The following RAB20 variants were observed in gnomAD, a reference collection of about 807,000 sequenced individuals.
The protein encoded by RAB20 is RAB20, member RAS oncogene family.
RAB20 carries 2 observed loss-of-function variants against 3.7 expected under a neutral mutation model. That is an observed-to-expected ratio of 0.54 (90% confidence interval 0.22 to 1.69). The LOEUF (loss-of-function observed/expected upper bound fraction) is 1.69, where lower values mean the gene tolerates loss of function less well. RAB20 is among the 40% of genes most tolerant of loss of function. RAB20 has a pLI of 0.19. For synonymous variants in RAB20, 126 were observed against 130.8 expected (o/e 0.96, Z 0.25); for missense variants, 276 against 311.9 (o/e 0.88, Z 0.87).
rs576201021 is a variant in RAB20 at position 110,555,525 on chromosome 13, C to T, written c.172+5823G>A. Among the ~76,000 whole-genome samples the T allele has an allele frequency of 2.7e-4, 41 of 152,314 alleles. No individual in the cohort carries two copies. The highest frequency in any genetic ancestry group is 7.2e-4 in the Admixed American group (11 of 15,292). ...CTCTTCCACATCTTTGCCGTCCACC[C>T]GTCCTTGGGTTCTGGCACCAAGAAC... On this transcript the variant is annotated intron_variant, in intron 1 of 1. Transcript: ENST00000267328. The surrounding 1 kb of genome is among the most constrained non-coding windows in gnomAD (Gnocchi z 4.0).
In RAB20 at chr13:110,549,653, G is replaced by A. The variant is rs932200064; in HGVS notation, c.172+11695C>T. ...GAAGGAATGCTGCAGAGAGGCCTGG[G>A]GAATCTGAACAGACAGGCCTTGCTG... On this transcript the variant is annotated intron_variant, in intron 1 of 1. Coordinates refer to ENST00000267328, the MANE Select transcript of RAB20 (RefSeq NM_017817.3). 9.2e-5 allele frequency among the ~76,000 whole-genome samples: 14 copies of A among 152,202 alleles called. 1 individual carries two copies. The highest frequency in any genetic ancestry group is 3.4e-4 in the African/African-American group (14 of 41,458).
intron 1 of RAB20, among the ~76,000 whole-genome samples, chr13:110,548,403 G>A (rs1474899232): frequency 6.6e-6 from 1 of 152,076 alleles, no homozygotes; most frequent in Non-Finnish European, 1.5e-5. Flanking sequence ...AGAATTGCTT[G>A]AAGCTGGGAG....
intron 1 of RAB20, among the ~76,000 whole-genome samples, chr13:110,532,130 C>CTGA (rs1433757114): frequency 1.2e-4 from 19 of 152,110 alleles, no homozygotes; most frequent in African/African-American, 4.6e-4. Flanking sequence ...TTAAAAAATA[C>CTGA]TGATGCTCAG....
chr13:110,561,592 C>T lies in RAB20; in HGVS notation c.-73G>A, dbSNP rs1885137049. 1 of 1,492,432 alleles carries T rather than the reference C, an allele frequency of 6.7e-7. No homozygotes were observed. Among genetic ancestry groups the T allele is most frequent in the African/African-American group, 1.5e-5 (1 of 68,350 alleles). The allele number at this position is 1,492,432 out of a possible 1,614,324, so 92.4% of individuals were successfully genotyped here. On this transcript the variant is annotated 5_prime_UTR_variant, in exon 1 of 2. Transcript: ENST00000267328. ...GCCGGCTCGTGCGCCCTGGGCGCAG[C>T]TGGAGGAGCGGACCCCGGACTCGCC...
chr13:110,544,359 G>A (rs1293391236), intron 1 of RAB20, among the ~76,000 whole-genome samples: 1 of 152,152 alleles, frequency 6.6e-6, no homozygotes, highest in African/African-American at 2.4e-5. Context: ...GCTCAAAATT[G>A]AGCAAGAATT....
rs189384667 is a variant in RAB20, at chr13:110,559,926, G to A, written c.172+1422C>T. 2.0e-5 allele frequency among the ~76,000 whole-genome samples: 3 copies of A among 152,204 alleles called. No homozygotes were observed. The East Asian group carries it at 5.8e-4, about 29-fold the overall frequency. On this transcript the variant is annotated intron_variant, in intron 1 of 1. Transcript: ENST00000267328. The stretch of plus-strand genomic sequence containing the variant: ...CAACGGTGGCCACTACAGGGGTTTC[G>A]GTTAGGGTCCCCCAATAACACTCCT...
intron 1 of RAB20, among the ~76,000 whole-genome samples, chr13:110,540,177 C>CA: frequency 6.6e-6 from 1 of 152,312 alleles, no homozygotes; most frequent in South Asian, 2.1e-4. Context: ...AGGCAAGTCC[C>CA]AAAAAATACA....
intron 1 of RAB20, among the ~76,000 whole-genome samples, chr13:110,525,766 C>A (rs1014099355): frequency 6.6e-6 from 1 of 152,222 alleles, no homozygotes; most frequent in African/African-American, 2.4e-5. Flanking sequence ...TCGTTGGACA[C>A]ATCTGCCGCA....
intron 1 of RAB20, among the ~76,000 whole-genome samples, chr13:110,532,873 G>A (rs561952361): frequency 1.3e-5 from 2 of 152,044 alleles, no homozygotes; most frequent in Middle Eastern, 6.8e-3. Flanking sequence ...TAGAGATGGG[G>A]ACTTACTATG....
At chr13:110,536,613 G>A (rs1884642874) in intron 1 of RAB20, among the ~76,000 whole-genome samples, 1 of 151,548 alleles carries the variant, frequency 6.6e-6, no homozygotes, top group Non-Finnish European at 1.5e-5. Context: ...GTTCAGAGAG[G>A]AGGAGGCAGG....
Position 110,554,066 on chromosome 13 carries a change from G to C in RAB20, c.172+7282C>G, listed in dbSNP as rs148267611. 4.6e-5 allele frequency among the ~76,000 whole-genome samples: 7 copies of C among 152,232 alleles called. No homozygotes were observed. In the East Asian group the frequency reaches 1.4e-3, roughly 29 times the overall value. ...GGAGTTTGAAGTTACAGTGAGCTGT[G>C]GTTACCCCACTGCACTCCAGCCTGG... On this transcript the variant is annotated intron_variant, in intron 1 of 1. Coordinates refer to ENST00000267328, the MANE Select transcript of RAB20 (RefSeq NM_017817.3).
At chr13:110,536,986 G>GTTGT (rs1555335629) in intron 1 of RAB20, among the ~76,000 whole-genome samples, 1 of 109,572 alleles carries the variant, frequency 9.1e-6, no homozygotes, top group Admixed American at 1.1e-4. Context: ...GTGTCCAAGT[G>GTTGT]TTTTTTTTTG....
intron 1 of RAB20, among the ~76,000 whole-genome samples, chr13:110,544,636 G>A (rs954086547): frequency 7.9e-5 from 12 of 152,224 alleles, no homozygotes; most frequent in Admixed American, 7.9e-4. Flanking sequence ...AAGAAGTCAA[G>A]GCACAGAGAC....
At chr13:110,548,177 T>TAATTTTAAATAATGCAAGGCAGAATG (rs66711898) in intron 1 of RAB20, among the ~76,000 whole-genome samples, 2,765 of 152,336 alleles carry the variant, frequency 0.018, 37 homozygotes, top group African/African-American at 0.025. Flanking sequence ...ATTTTTCTTT[T>TAATTTTAAATAATGCAAGGCAGAATG]ATGGATTAGA....
chr13:110,523,374 A>C lies in RAB20; in HGVS notation c.*291T>G. ...AGGGGGCCGTTGGTGGCTGGCTGCA[A>C]AGGACCAGTGCCAGGCAGCGGGGCA... On this transcript the variant is annotated 3_prime_UTR_variant, in exon 2 of 2. Transcript: ENST00000267328. 1 of 558,530 alleles carries C rather than the reference A, an allele frequency of 1.8e-6. No homozygotes were observed. The highest frequency in any genetic ancestry group is 3.0e-6 in the Non-Finnish European group (1 of 333,444). The allele number at this position is 558,530 out of a possible 1,614,324, so 34.6% of individuals were successfully genotyped here.
At chr13:110,539,122 A>G (rs1331949498) in intron 1 of RAB20, among the ~76,000 whole-genome samples, 1 of 152,244 alleles carries the variant, frequency 6.6e-6, no homozygotes, top group Admixed American at 6.5e-5. Flanking sequence ...ATTCAAATTC[A>G]GTAATCCAAT....
At chr13:110,543,196 G>C (rs1884795726) in intron 1 of RAB20, among the ~76,000 whole-genome samples, 1 of 152,090 alleles carries the variant, frequency 6.6e-6, no homozygotes, top group South Asian at 2.1e-4. Context: ...GAGTGCGGTG[G>C]TGTGATCTTG....
intron 1 of RAB20, among the ~76,000 whole-genome samples, chr13:110,539,387 C>G (rs1456959400): frequency 1.3e-5 from 2 of 152,100 alleles, no homozygotes; most frequent in South Asian, 4.1e-4. Flanking sequence ...CAAACCCCTG[C>G]CCGCGAAATG....
chr13:110,535,931 A>C (rs1002050972), intron 1 of RAB20, among the ~76,000 whole-genome samples: 1 of 152,260 alleles, frequency 6.6e-6, no homozygotes, highest in African/African-American at 2.4e-5. Context: ...ATATACATTC[A>C]AGTCTTCATC....
Sources: gnomAD v4.1 joint callset for allele counts (sites outside exome capture counted in the v4.1 genomes callset) on GRCh38, gnomAD v4.1.1 for gene constraint, Gnocchi (gnomAD v3.1) non-coding constraint, MANE v1.5 for transcripts, NCBI Gene and HGNC (gene_info 2026-07-23, HGNC 2026-07-21) for gene names.